The following CSMD3 variants were observed in gnomAD, a reference collection of about 807,000 sequenced individuals.
The protein encoded by CSMD3 is CUB and Sushi multiple domains 3, also known as CUB and sushi domain-containing protein 3.
In CSMD3, 177 loss-of-function variants were observed where a neutral mutation model predicts 435.2. That is an observed-to-expected ratio of 0.41 (90% confidence interval 0.36 to 0.46). CSMD3 has a LOEUF of 0.46. Ranked by LOEUF, CSMD3 falls within the 20% of genes least tolerant of loss-of-function variation. The pLI, the probability that CSMD3 is intolerant of heterozygous loss-of-function variation, is 0.34. For missense variants in CSMD3, 4,265 were observed against 4,504.6 expected (o/e 0.95, Z 1.52); for synonymous variants, 1,656 against 1,520.5 (o/e 1.09, Z -2.07).
chr8:113,123,234 A>G (rs2091035114), intron 4 of CSMD3, among the ~76,000 whole-genome samples: 1 of 152,110 alleles, frequency 6.6e-6, no homozygotes, highest in South Asian at 2.1e-4. Flanking sequence ...ATGCTCTTGG[A>G]ATGGTATTAA....
intron 6 of CSMD3, among the ~76,000 whole-genome samples, chr8:112,980,983 G>T (rs1031402664): frequency 6.6e-6 from 1 of 151,322 alleles, no homozygotes; most frequent in Non-Finnish European, 1.5e-5. Flanking sequence ...TTGATTAACT[G>T]TTATTAAGTA....
At chr8:113,292,845 A>G (rs1230633076) in intron 2 of CSMD3, among the ~76,000 whole-genome samples, 1 of 151,876 alleles carries the variant, frequency 6.6e-6, no homozygotes, top group East Asian at 2.0e-4. Flanking sequence ...AAATGAACTA[A>G]TATGTTAAAA....
chr8:112,851,409 A>C (rs1330539316), intron 11 of CSMD3, among the ~76,000 whole-genome samples: 1 of 152,172 alleles, frequency 6.6e-6, no homozygotes, highest in Non-Finnish European at 1.5e-5. Context: ...AATCTACCTG[A>C]GAACAATGTA....
chr8:112,904,220 C>T lies in CSMD3; in HGVS notation c.1633+17407G>A, dbSNP rs554732498. ...GACATTCAAGATCTATTGTACAGCG[C>T]GGTGACTATGGTTAATGATGATATA... On this transcript the variant is annotated intron_variant, in intron 10 of 70. Transcript: ENST00000297405. 7.9e-5 allele frequency among the ~76,000 whole-genome samples: 12 copies of T among 151,362 alleles called. No homozygotes were observed. The East Asian group carries it at 9.8e-4, about 12-fold the overall frequency.
Position 113,019,115 on chromosome 8 carries a change from C to A in CSMD3, c.982G>T (p.Val328Phe), listed in dbSNP as rs553446393. The A allele has an allele frequency of 1.2e-6, 2 of 1,613,740 alleles. No individual in the cohort carries two copies. The highest frequency in any genetic ancestry group is 1.7e-6 in the Non-Finnish European group (2 of 1,179,708). The change falls in exon 6 of 71, where the codon GTT becomes TTT. Residue 328 changes from valine to phenylalanine, a missense_variant. By Grantham distance (50) the Val-to-Phe change is conservative. Coordinates refer to ENST00000297405, the MANE Select transcript of CSMD3 (RefSeq NM_198123.2). ...CGGTATCGATGATTGCTGTCTGTAA[C>A]AAAATGCAGTCTGAGCCAGTTTTTG... ...SNKNWLRLHF[V>F]TDSNHRYRGF...
At chr8:112,650,490 T>C (rs2075097794) in intron 18 of CSMD3, 141 bp from the exon 19 acceptor site, 2 of 731,258 alleles carry the variant, frequency 2.7e-6, no homozygotes, top group South Asian at 3.2e-5. Context: ...AAATCAGCAA[T>C]TTATTTAATA....
At chr8:112,542,565 A>G (rs1031237775) in intron 27 of CSMD3, among the ~76,000 whole-genome samples, 8 of 152,012 alleles carry the variant, frequency 5.3e-5, no homozygotes, top group African/African-American at 1.9e-4. Flanking sequence ...ATTTAAAATA[A>G]TCTCATAAAG....
At chr8:112,807,773 AAC>A (rs1269959672) in intron 12 of CSMD3, among the ~76,000 whole-genome samples, 1 of 152,190 alleles carries the variant, frequency 6.6e-6, no homozygotes, top group Non-Finnish European at 1.5e-5. Flanking sequence ...GTTAAAATGT[AAC>A]AGATTGTAAA....
intron 22 of CSMD3, among the ~76,000 whole-genome samples, chr8:112,599,473 G>T (rs1421996985): frequency 6.6e-6 from 1 of 150,894 alleles, no homozygotes; most frequent in Non-Finnish European, 1.5e-5. Context: ...ATTCCTCAGG[G>T]ATCTAGAACT....
intron 16 of CSMD3, among the ~76,000 whole-genome samples, chr8:112,675,221 A>G (rs887195455): frequency 2.0e-5 from 3 of 152,172 alleles, no homozygotes; most frequent in Non-Finnish European, 4.4e-5. Context: ...GGAGGGCTGC[A>G]AATATAACAA....
intron 3 of CSMD3, among the ~76,000 whole-genome samples, chr8:113,202,102 G>A (rs775988799): frequency 2.0e-5 from 3 of 152,076 alleles, no homozygotes; most frequent in Non-Finnish European, 2.9e-5. Context: ...ATGCCAAATC[G>A]TAACACTTGA....
At chr8:113,026,234 G>C (rs2086871131) in intron 5 of CSMD3, among the ~76,000 whole-genome samples, 1 of 152,304 alleles carries the variant, frequency 6.6e-6, no homozygotes, top group South Asian at 2.1e-4. Context: ...ACAAAAAGAA[G>C]TCTCTCCCAT....
chr8:112,398,464 C>T (rs1429769629), intron 35 of CSMD3, among the ~76,000 whole-genome samples: 3 of 152,184 alleles, frequency 2.0e-5, no homozygotes, highest in Non-Finnish European at 2.9e-5. Flanking sequence ...TTCCACAAGG[C>T]AATGCTAAAG....
intron 5 of CSMD3, among the ~76,000 whole-genome samples, chr8:113,045,980 G>A (rs1039939476): frequency 2.0e-5 from 3 of 148,880 alleles, no homozygotes; most frequent in African/African-American, 7.3e-5. Flanking sequence ...TTTTACTTTT[G>A]CCTGCCTTTA....
chr8:112,368,474 A>G (rs1316614283), intron 38 of CSMD3, among the ~76,000 whole-genome samples: 1 of 152,198 alleles, frequency 6.6e-6, no homozygotes, highest in Non-Finnish European at 1.5e-5. Context: ...TTACATAAAC[A>G]TATTAATAGT....
chr8:112,266,874 G>T (rs1479641260), intron 59 of CSMD3, among the ~76,000 whole-genome samples: 2 of 152,084 alleles, frequency 1.3e-5, no homozygotes, highest in Non-Finnish European at 2.9e-5. Context: ...CTAAGAAAAC[G>T]AAAACTACAA....
At chr8:113,021,841 T>C (rs2086695168) in intron 5 of CSMD3, among the ~76,000 whole-genome samples, 1 of 152,092 alleles carries the variant, frequency 6.6e-6, no homozygotes, top group Non-Finnish European at 1.5e-5. Flanking sequence ...GAGCAAATAA[T>C]GATAATTTAA....
intron 3 of CSMD3, among the ~76,000 whole-genome samples, chr8:113,197,943 G>A (rs538150376): frequency 1.2e-4 from 18 of 151,422 alleles, no homozygotes; most frequent in Admixed American, 3.3e-4. Context: ...CTGGTGTCAT[G>A]TAACTAACTA....
intron 4 of CSMD3, among the ~76,000 whole-genome samples, chr8:113,156,167 C>G (rs1348222951): frequency 1.3e-5 from 2 of 151,968 alleles, no homozygotes; most frequent in South Asian, 2.1e-4. Flanking sequence ...AGGCACATTA[C>G]TTTATTAACC....
Sources: allele counts gnomAD v4.1 joint callset (sites outside exome capture counted in the v4.1 genomes callset), GRCh38; gene constraint gnomAD v4.1.1; transcripts MANE v1.5; gene names NCBI Gene and HGNC (gene_info 2026-07-23, HGNC 2026-07-21).